ACYP2: variants seen among roughly 807,000 people sequenced by gnomAD.
ACYP2 encodes acylphosphatase 2.
ACYP2 carries 12 observed loss-of-function variants against 11.2 expected under a neutral mutation model. That is an observed-to-expected ratio of 1.08 (90% CI 0.69 to 1.74). ACYP2 has a LOEUF of 1.74. Ranked by LOEUF, ACYP2 falls within the 40% of genes most tolerant of loss-of-function variation. ACYP2 has a pLI of 0.00. For synonymous variants in ACYP2, 43 were observed against 32.2 expected (o/e 1.33, Z -1.13); for missense variants, 134 against 101.9 (o/e 1.31, Z -1.35).
intron 2 of ACYP2, among the ~76,000 whole-genome samples, chr2:54,046,894 C>A (rs1291269534): frequency 3.9e-5 from 6 of 152,180 alleles, no homozygotes; most frequent in African/African-American, 1.2e-4. Flanking sequence ...GGGTTCAAAT[C>A]CAAGTTCTAC....
In ACYP2 at chr2:54,109,327, G is replaced by T. The variant is rs563237942; in HGVS notation, c.278-26126G>T. ...ACCCAGGAATAGAAAACTAAATATCGTATGTTCTCACTGATAAGTGGAAGC... is the reference window on the plus strand; with the variant it reads ...ACCCAGGAATAGAAAACTAAATATCTTATGTTCTCACTGATAAGTGGAAGC... On this transcript the variant is annotated intron_variant, in intron 4 of 6. Coordinates refer to ENST00000607452, the MANE Select transcript of ACYP2 (RefSeq NM_001320586.2). Among the ~76,000 whole-genome samples, 49 of 152,020 alleles carry T rather than the reference G, an allele frequency of 3.2e-4. 1 individual carries two copies. In the South Asian group the frequency reaches 9.3e-3, roughly 29 times the overall value.
At chr2:54,187,943 C>G (rs766496509) in intron 6 of ACYP2, among the ~76,000 whole-genome samples, 53 of 152,164 alleles carry the variant, frequency 3.5e-4, no homozygotes, top group Non-Finnish European at 3.4e-4. Flanking sequence ...TTCTTTTCCT[C>G]TTCTGCCATG....
chr2:53,973,296 C>T (rs1393370184), intron 1 of ACYP2, among the ~76,000 whole-genome samples: 1 of 152,118 alleles, frequency 6.6e-6, no homozygotes, highest in Non-Finnish European at 1.5e-5. Flanking sequence ...TATGGACAAC[C>T]TTTTAAAAAA....
chr2:54,205,555 AG>A (rs1403831883), intron 6 of ACYP2, among the ~76,000 whole-genome samples: 2 of 152,228 alleles, frequency 1.3e-5, no homozygotes, highest in African/African-American at 4.8e-5. Flanking sequence ...ATGAGGCAGC[AG>A]TCACATCCTG....
chr2:54,255,680 A>G (rs756983358), intron 6 of ACYP2: 2 of 1,613,906 alleles, frequency 1.2e-6, no homozygotes, highest in South Asian at 2.2e-5. Context: ...GGGGCTGAGA[A>G]CATGGCACAC....
chr2:54,031,723 C>T (rs1674597727), intron 2 of ACYP2, among the ~76,000 whole-genome samples: 1 of 152,264 alleles, frequency 6.6e-6, no homozygotes, highest in South Asian at 2.1e-4. Context: ...AATGGTTGAA[C>T]TAGTTTACAG....
intron 2 of ACYP2, among the ~76,000 whole-genome samples, chr2:53,995,481 A>ATTT (rs1481247399): frequency 0.016 from 1,853 of 113,674 alleles, 31 homozygotes; most frequent in African/African-American, 0.053. Flanking sequence ...TTATTTATTT[A>ATTT]TTTATTTTTT....
At chr2:54,274,715 A>G (rs1280348322) in intron 6 of ACYP2, among the ~76,000 whole-genome samples, 1 of 151,844 alleles carries the variant, frequency 6.6e-6, no homozygotes, top group Non-Finnish European at 1.5e-5. Context: ...AAATCACTTA[A>G]CCTTAGAATG....
chr2:54,239,596 G>A (rs1686644073), intron 6 of ACYP2, among the ~76,000 whole-genome samples: 1 of 152,124 alleles, frequency 6.6e-6, no homozygotes, highest in Non-Finnish European at 1.5e-5. Context: ...AGGAGTATTT[G>A]AGGCTGTGCC....
At chr2:54,076,941 G>A (rs938893011) in intron 4 of ACYP2, among the ~76,000 whole-genome samples, 6 of 152,042 alleles carry the variant, frequency 3.9e-5, no homozygotes, top group Non-Finnish European at 1.5e-5. Context: ...ATCCTGAATC[G>A]GGTTTTCAGG....
chr2:54,144,601 G>C (rs1489508690), intron 6 of ACYP2, among the ~76,000 whole-genome samples: 1 of 150,830 alleles, frequency 6.6e-6, no homozygotes, highest in African/African-American at 2.4e-5. Context: ...TTGAACCCAG[G>C]AGCCAGAGGT....
intron 2 of ACYP2, among the ~76,000 whole-genome samples, chr2:54,014,603 G>C (rs559968030): frequency 7.2e-5 from 11 of 152,266 alleles, no homozygotes; most frequent in African/African-American, 2.6e-4. Flanking sequence ...TTACAGGCTT[G>C]AGCCACCGCT....
chr2:54,052,234 A>G (rs1422699015), intron 3 of ACYP2, among the ~76,000 whole-genome samples: 1 of 152,168 alleles, frequency 6.6e-6, no homozygotes, highest in African/African-American at 2.4e-5. Flanking sequence ...CCTTTCAAAG[A>G]AAAACAATTG....
intron 6 of ACYP2, among the ~76,000 whole-genome samples, chr2:54,223,380 C>G (rs923197833): frequency 6.6e-6 from 1 of 152,120 alleles, no homozygotes. Context: ...TACTTCCTAC[C>G]TCTTTCCAAA....
intron 4 of ACYP2, among the ~76,000 whole-genome samples, chr2:54,078,003 T>C (rs1213466513): frequency 1.3e-5 from 2 of 151,310 alleles, no homozygotes; most frequent in Non-Finnish European, 2.9e-5. Flanking sequence ...GGAGTCTCGC[T>C]CTGTCACCCA....
intron 2 of ACYP2, among the ~76,000 whole-genome samples, chr2:54,012,825 T>C (rs1440888329): frequency 6.6e-6 from 1 of 152,162 alleles, no homozygotes; most frequent in Non-Finnish European, 1.5e-5. Flanking sequence ...CAAGTCACTC[T>C]TGGCGCTGGA....
intron 4 of ACYP2, among the ~76,000 whole-genome samples, chr2:54,087,566 G>A (rs1194798386): frequency 6.6e-6 from 1 of 152,146 alleles, no homozygotes; most frequent in Non-Finnish European, 1.5e-5. Flanking sequence ...GCCCAGACTA[G>A]TCTCAAACTT....
At chr2:54,149,874 G>GA (rs1203145485) in intron 6 of ACYP2, among the ~76,000 whole-genome samples, 1 of 152,148 alleles carries the variant, frequency 6.6e-6, no homozygotes. Context: ...TTTAGCTGGA[G>GA]AAAAAATACT....
intron 2 of ACYP2, among the ~76,000 whole-genome samples, chr2:54,039,124 G>T (rs1015295475): frequency 6.6e-6 from 1 of 151,960 alleles, no homozygotes; most frequent in Non-Finnish European, 1.5e-5. Context: ...AAGAAGTAGA[G>T]GGTGAGGTTG....
Sources: gnomAD v4.1 joint callset for allele counts (sites outside exome capture counted in the v4.1 genomes callset) on GRCh38, gnomAD v4.1.1 for gene constraint, MANE v1.5 for transcripts, NCBI Gene and HGNC (gene_info 2026-07-23, HGNC 2026-07-21) for gene names.